CNTNAP5: variants seen among roughly 807,000 people sequenced by gnomAD.
CNTNAP5 encodes contactin-associated protein-like 5.
In CNTNAP5, 72 loss-of-function variants were observed where a neutral mutation model predicts 150.2. The observed-to-expected ratio is 0.48, with a 90% CI of 0.40 to 0.58. The LOEUF (loss-of-function observed/expected upper bound fraction) is 0.58, where lower values mean the gene tolerates loss of function less well. Among genes scored for constraint, CNTNAP5 ranks in the 20% least tolerant of loss-of-function variants. CNTNAP5 has a pLI of 0.00. For missense variants in CNTNAP5, 1,636 were observed against 1,626.2 expected, an observed-to-expected ratio of 1.01 and a Z score of -0.10; for synonymous variants, 672 against 619.8, an observed-to-expected ratio of 1.08 and a Z score of -1.25.
At chr2:124,075,069 C>T (rs114416642) in intron 1 of CNTNAP5, among the ~76,000 whole-genome samples, 1,892 of 152,030 alleles carry the variant, frequency 0.012, 39 homozygotes, top group African/African-American at 0.043. Flanking sequence ...TAAAAATGTA[C>T]TTTTTTTACA....
chr2:124,365,417 C>G (rs1313076600), intron 3 of CNTNAP5, among the ~76,000 whole-genome samples: 2 of 151,728 alleles, frequency 1.3e-5, no homozygotes, highest in Non-Finnish European at 2.9e-5. Flanking sequence ...GCACAATTCA[C>G]ATTAACATGT....
intron 3 of CNTNAP5, among the ~76,000 whole-genome samples, chr2:124,344,500 T>G (rs1464043571): frequency 6.6e-6 from 1 of 152,184 alleles, no homozygotes; most frequent in Non-Finnish European, 1.5e-5. Context: ...TCAGGTGCAG[T>G]GGCTCACCCT....
At chr2:124,188,146 C>A (rs967390870) in intron 1 of CNTNAP5, among the ~76,000 whole-genome samples, 1 of 152,180 alleles carries the variant, frequency 6.6e-6, no homozygotes, top group Non-Finnish European at 1.5e-5. Context: ...TGCACAAAAG[C>A]CTTCCTGGCA....
At chr2:124,466,229 T>C (rs1573392798) in intron 6 of CNTNAP5, among the ~76,000 whole-genome samples, 1 of 152,156 alleles carries the variant, frequency 6.6e-6, no homozygotes, top group Admixed American at 6.6e-5. Context: ...AGCAGAATAG[T>C]GTAACTATTC....
chr2:124,252,821 C>G (rs977263208), intron 3 of CNTNAP5, among the ~76,000 whole-genome samples: 1 of 151,896 alleles, frequency 6.6e-6, no homozygotes, highest in African/African-American at 2.4e-5. Context: ...TTAAAGTTTG[C>G]AAAATCAATA....
At chr2:124,859,050 T>C (rs933470459) in intron 19 of CNTNAP5, among the ~76,000 whole-genome samples, 1 of 151,756 alleles carries the variant, frequency 6.6e-6, no homozygotes, top group African/African-American at 2.4e-5. Context: ...AAGCCAAAAT[T>C]GACAAATGGG....
chr2:124,827,564 G>A (rs1024468078), intron 19 of CNTNAP5, among the ~76,000 whole-genome samples: 6 of 152,158 alleles, frequency 3.9e-5, no homozygotes, highest in Non-Finnish European at 8.8e-5. Flanking sequence ...AGACAGCAGC[G>A]CCTCCATCTT....
At chr2:124,641,664 A>G (rs1230197223) in intron 12 of CNTNAP5, among the ~76,000 whole-genome samples, 1 of 152,170 alleles carries the variant, frequency 6.6e-6, no homozygotes, top group Non-Finnish European at 1.5e-5. Context: ...GGACCTTAAT[A>G]TAGACTTGCT....
chr2:124,223,097 A>G (rs2699359), intron 2 of CNTNAP5, among the ~76,000 whole-genome samples: 118,331 of 151,606 alleles, frequency 0.78, 46,420 homozygotes, highest in East Asian at 1. Flanking sequence ...GTTGTTGCAA[A>G]CATTATTACC....
intron 1 of CNTNAP5, among the ~76,000 whole-genome samples, chr2:124,139,747 G>A (rs554757436): frequency 1.7e-4 from 26 of 152,284 alleles, no homozygotes; most frequent in South Asian, 4.1e-4. Flanking sequence ...ATTAATTATA[G>A]GGAAGATTTG....
At chr2:124,072,835 CT>C (rs1352576874) in intron 1 of CNTNAP5, among the ~76,000 whole-genome samples, 1 of 151,958 alleles carries the variant, frequency 6.6e-6, no homozygotes, top group Non-Finnish European at 1.5e-5. Context: ...CAATGACATC[CT>C]TCACAGAAAT....
chr2:124,320,307 C>A (rs1236209046), intron 3 of CNTNAP5, among the ~76,000 whole-genome samples: 1 of 152,186 alleles, frequency 6.6e-6, no homozygotes. Context: ...TATGAGAGCA[C>A]CTGCCCACCA....
intron 13 of CNTNAP5, among the ~76,000 whole-genome samples, chr2:124,743,458 A>G (rs1680540923): frequency 1.3e-5 from 2 of 152,152 alleles, no homozygotes; most frequent in African/African-American, 4.8e-5. Context: ...TCTGATGGGA[A>G]GATAGCCCCA....
chr2:124,727,438 T>C (rs1213990745), intron 13 of CNTNAP5, among the ~76,000 whole-genome samples: 1 of 152,016 alleles, frequency 6.6e-6, no homozygotes, highest in Admixed American at 6.6e-5. Flanking sequence ...ATTAACTCAT[T>C]GAATCCATGA....
intron 1 of CNTNAP5, among the ~76,000 whole-genome samples, chr2:124,071,905 C>A (rs1332755993): frequency 1.3e-5 from 2 of 151,786 alleles, no homozygotes; most frequent in Non-Finnish European, 2.9e-5. Flanking sequence ...ACCCTGATAC[C>A]AAACCCAGAC....
chr2:124,360,456 C>T (rs1336253689), intron 3 of CNTNAP5, among the ~76,000 whole-genome samples: 4 of 145,226 alleles, frequency 2.8e-5, no homozygotes, highest in African/African-American at 9.9e-5. Context: ...CCGGTTGTTC[C>T]TTTCCATGTT....
In CNTNAP5 at chr2:124,764,056, C is replaced by T; in HGVS notation, c.2442C>T (p.Ala814=). The T allele has an allele frequency of 3.1e-6, 5 of 1,613,034 alleles. No individual in the cohort carries two copies. The highest frequency in any genetic ancestry group is 4.2e-6 in the Non-Finnish European group (5 of 1,179,252). The change falls in exon 16 of 24, where the codon GCC becomes GCT. Residue 814 remains alanine (A), a synonymous_variant. Coordinates refer to ENST00000682447, the MANE Select transcript of CNTNAP5 (RefSeq NM_001367498.1). The part of the protein sequence containing the change: ...HFPTFHAEFS[A]DISFFFKTTA... ...CTACCTTCCATGCGGAATTCAGTGC[C>T]GATATTTCCTTCTTTTTTAAAACCA...
intron 17 of CNTNAP5, among the ~76,000 whole-genome samples, chr2:124,779,002 A>G (rs2104618147): frequency 6.6e-6 from 1 of 152,274 alleles, no homozygotes; most frequent in African/African-American, 2.4e-5. Context: ...GTAAATAAGG[A>G]TCTGCTCTCA....
chr2:124,737,973 T>A (rs1246807190), intron 13 of CNTNAP5, among the ~76,000 whole-genome samples: 1 of 152,202 alleles, frequency 6.6e-6, no homozygotes, highest in Non-Finnish European at 1.5e-5. Context: ...TAATTCTGGA[T>A]GTTTTTATTA....
Sources: gnomAD v4.1 joint callset for allele counts (sites outside exome capture counted in the v4.1 genomes callset) on GRCh38, gnomAD v4.1.1 for gene constraint, MANE v1.5 for transcripts, NCBI Gene and HGNC (gene_info 2026-07-23, HGNC 2026-07-21) for gene names.